Variants in GLCCI1 observed in about 807,000 individuals in gnomAD.
The protein encoded by GLCCI1 is glucocorticoid-induced transcript 1 protein.
GLCCI1 carries 24 observed loss-of-function variants against 52.2 expected under a neutral mutation model. The ratio of observed to expected loss-of-function variants is 0.46; its 90% CI spans 0.33 to 0.65. The LOEUF (loss-of-function observed/expected upper bound fraction) is 0.65, where lower values mean the gene tolerates loss of function less well. GLCCI1 is among the 30% of genes least tolerant of loss of function. The probability of loss-of-function intolerance (pLI) is 0.02; values close to 1 mark genes in which losing one functional copy is unlikely to be tolerated. For missense variants in GLCCI1, 704 were observed against 701.5 expected, an observed-to-expected ratio of 1.00 and a Z score of -0.04; for synonymous variants, 310 against 276.5, an observed-to-expected ratio of 1.12 and a Z score of -1.20.
rs918012839 is a variant in GLCCI1, at chr7:8,086,144, C to T, written c.1299-49C>T. ...TCCAGTTAATTCAGAAAATGCTTAA[C>T]TTTTTCTGTGTTCATGATTATAAAT... is the stretch of plus-strand genomic sequence containing the variant. On this transcript the variant is annotated intron_variant, in intron 7 of 7. Transcript: ENST00000223145. This position sits in a 1 kb window ranked among gnomAD's most constrained non-coding sequence, Gnocchi z 4.4. 4.7e-6 allele frequency: 7 copies of T among 1,482,682 alleles called. No individual in the cohort carries two copies. Among genetic ancestry groups the T allele is most frequent in the Non-Finnish European group, 5.5e-6 (6 of 1,097,684 alleles). 91.8% of individuals were successfully genotyped at this position (1,482,682 alleles called of 1,614,324 possible).
At chr7:7,970,792 A>T (rs1780335802) in intron 1 of GLCCI1, among the ~76,000 whole-genome samples, 1 of 152,184 alleles carries the variant, frequency 6.6e-6, no homozygotes, top group African/African-American at 2.4e-5. Flanking sequence ...AGAGTGGAAT[A>T]GCTAATATTG....
At chr7:7,992,059 CT>C (rs1780849201) in intron 1 of GLCCI1, among the ~76,000 whole-genome samples, 1 of 138,538 alleles carries the variant, frequency 7.2e-6, no homozygotes, top group African/African-American at 2.7e-5. Context: ...TTCTTTCTTT[CT>C]TTCTTTCTTT....
intron 6 of GLCCI1, among the ~76,000 whole-genome samples, chr7:8,083,310 T>TA (rs1467344719): frequency 1.3e-5 from 2 of 152,122 alleles, no homozygotes; most frequent in African/African-American, 4.8e-5. Flanking sequence ...CATAGTAAGG[T>TA]AAGGTCAAGC....
chr7:8,002,843 G>A (rs912138062), intron 1 of GLCCI1, among the ~76,000 whole-genome samples: 11 of 149,716 alleles, frequency 7.3e-5, no homozygotes, highest in African/African-American at 2.2e-4. Flanking sequence ...TGTTCAGTGT[G>A]ATTAATTTTT....
At chr7:8,076,505 A>G (rs1344207503) in intron 6 of GLCCI1, among the ~76,000 whole-genome samples, 2 of 152,236 alleles carry the variant, frequency 1.3e-5, no homozygotes, top group Admixed American at 6.5e-5. Context: ...TCCAGTGTCT[A>G]ACAGCACAAA....
At chr7:8,074,105 T>C (rs970526672) in intron 6 of GLCCI1, among the ~76,000 whole-genome samples, 5 of 152,250 alleles carry the variant, frequency 3.3e-5, no homozygotes, top group Admixed American at 3.3e-4. Context: ...GGAACACTTA[T>C]TGAGCATTTA....
chr7:8,025,222 T>C (rs1781588948), intron 3 of GLCCI1, among the ~76,000 whole-genome samples: 2 of 152,028 alleles, frequency 1.3e-5, no homozygotes, highest in African/African-American at 4.8e-5. Context: ...AGCCTAGGAA[T>C]AGGTGCAGAT....
intron 2 of GLCCI1, among the ~76,000 whole-genome samples, chr7:8,008,766 C>T (rs1781204981): frequency 6.6e-6 from 1 of 152,174 alleles, no homozygotes; most frequent in Non-Finnish European, 1.5e-5. Context: ...ATACTGCTGT[C>T]TGCAACTTTG....
At chr7:8,052,998 G>A (rs1782292620) in intron 3 of GLCCI1, among the ~76,000 whole-genome samples, 1 of 131,396 alleles carries the variant, frequency 7.6e-6, no homozygotes, top group Non-Finnish European at 1.6e-5. Flanking sequence ...AAGGGTTTTG[G>A]TTTTGTATTA....
chr7:7,980,503 A>G (rs938610326), intron 1 of GLCCI1: 7 of 365,660 alleles, frequency 1.9e-5, no homozygotes, highest in Non-Finnish European at 3.4e-5. Context: ...AAAATATTAC[A>G]GTTATTGCCT....
chr7:7,972,882 T>G (rs1411108536), intron 1 of GLCCI1, among the ~76,000 whole-genome samples: 2 of 152,238 alleles, frequency 1.3e-5, no homozygotes, highest in Non-Finnish European at 2.9e-5. Flanking sequence ...AATACCTTGC[T>G]GTATATATAG....
chr7:8,069,136 T>C (rs914273248), intron 5 of GLCCI1, among the ~76,000 whole-genome samples: 3 of 152,112 alleles, frequency 2.0e-5, no homozygotes, highest in Non-Finnish European at 4.4e-5. Flanking sequence ...GGCTTTATGT[T>C]CTCTCCCAGC....
At chr7:8,067,664 G>A (rs1377091556) in intron 5 of GLCCI1, among the ~76,000 whole-genome samples, 1 of 152,084 alleles carries the variant, frequency 6.6e-6, no homozygotes. Context: ...CTTCTCGCTT[G>A]GAATAGGCTC....
intron 2 of GLCCI1, among the ~76,000 whole-genome samples, chr7:8,004,693 G>C (rs1413852846): frequency 6.6e-6 from 1 of 152,142 alleles, no homozygotes; most frequent in Non-Finnish European, 1.5e-5. Flanking sequence ...AAATATAAGA[G>C]ATAGTCATTG....
chr7:7,975,128 C>A (rs1334560885), intron 1 of GLCCI1, among the ~76,000 whole-genome samples: 1 of 152,064 alleles, frequency 6.6e-6, no homozygotes, highest in Non-Finnish European at 1.5e-5. Context: ...TGAAAGTGAC[C>A]ATAAGTTGAC....
At chr7:7,981,332 T>C (rs1189288219) in intron 1 of GLCCI1, 1 of 246,120 alleles carries the variant, frequency 4.1e-6, no homozygotes, top group Non-Finnish European at 7.7e-6. Context: ...CTTTCTTTCT[T>C]TTTTTGTTGA....
intron 1 of GLCCI1, among the ~76,000 whole-genome samples, chr7:7,992,350 G>A (rs1271842935): frequency 6.6e-6 from 1 of 151,932 alleles, no homozygotes; most frequent in Non-Finnish European, 1.5e-5. Flanking sequence ...CTGGCTCAAT[G>A]ACTCACACCT....
At chr7:7,983,589 A>C (rs1261188557) in intron 1 of GLCCI1, among the ~76,000 whole-genome samples, 1 of 152,198 alleles carries the variant, frequency 6.6e-6, no homozygotes, top group African/African-American at 2.4e-5. Context: ...GTGTTTAGAA[A>C]GCCAGCCTTG....
chr7:8,059,133 G>A (rs1422138428), intron 4 of GLCCI1, among the ~76,000 whole-genome samples: 4 of 152,038 alleles, frequency 2.6e-5, no homozygotes, highest in African/African-American at 9.7e-5. Context: ...TATGTAAGTC[G>A]ACCCACACAG....
Sources: gnomAD v4.1 joint callset for allele counts (sites outside exome capture counted in the v4.1 genomes callset) on GRCh38, gnomAD v4.1.1 for gene constraint, Gnocchi (gnomAD v3.1) non-coding constraint, MANE v1.5 for transcripts, NCBI Gene and HGNC (gene_info 2026-07-23, HGNC 2026-07-21) for gene names.